The following MIPEP variants were observed in gnomAD, a reference collection of about 807,000 sequenced individuals.
MIPEP encodes mitochondrial intermediate peptidase.
A neutral mutation model predicts 90.3 loss-of-function variants in MIPEP; 79 were observed. The ratio of observed to expected loss-of-function variants is 0.87; its 90% confidence interval spans 0.73 to 1.05. The LOEUF is 1.05. MIPEP is among the 50% of genes least tolerant of loss of function. The pLI, the probability that MIPEP is intolerant of heterozygous loss-of-function variation, is 0.00. For missense variants in MIPEP, 940 were observed against 905.6 expected (o/e 1.04, Z -0.49); for synonymous variants, 334 against 315.8 (o/e 1.06, Z -0.61).
intron 16 of MIPEP, chr13:23,765,805 A>C (rs996497482): frequency 6.6e-6 from 1 of 152,256 alleles, no homozygotes; most frequent in African/African-American, 2.4e-5. Flanking sequence ...TGCAGAGTCC[A>C]GGAATAATAT....
At chr13:23,793,325 C>T (rs1311198092) in intron 16 of MIPEP, among the ~76,000 whole-genome samples, 2 of 152,152 alleles carry the variant, frequency 1.3e-5, no homozygotes, top group Non-Finnish European at 2.9e-5. Flanking sequence ...TCATTAGACA[C>T]AAAAGAGGAT....
Position 23,836,230 on chromosome 13 carries a change from C to T in MIPEP, c.1653+10G>A. Reference sequence around the variant, plus strand: ...CCCAAAGGACAAGACGACAATATTACTGTTCCTACCTGTCCAGTCTGATAA... The same window carrying T: ...CCCAAAGGACAAGACGACAATATTATTGTTCCTACCTGTCCAGTCTGATAA... On this transcript the variant is annotated intron_variant, in intron 14 of 18. Coordinates refer to ENST00000382172, the MANE Select transcript of MIPEP (RefSeq NM_005932.4). The T allele has an allele frequency of 1.3e-6, 2 of 1,519,810 alleles. No individual in the cohort carries two copies. The highest frequency in any genetic ancestry group is 1.8e-6 in the Non-Finnish European group (2 of 1,123,658). The allele number at this position is 1,519,810 out of a possible 1,614,324, so 94.1% of individuals were successfully genotyped here. A position where few individuals can be genotyped will look rare whatever the true frequency, so the allele number is the denominator to read the frequency against.
intron 8 of MIPEP, 116 bp downstream of exon 8, chr13:23,864,025 C>A: frequency 1.6e-6 from 1 of 607,048 alleles, no homozygotes; most frequent in Non-Finnish European, 2.9e-6. Context: ...CAGGTCTGGT[C>A]CAATATGCCA....
At chr13:23,852,791 T>C (rs930537197) in intron 10 of MIPEP, among the ~76,000 whole-genome samples, 1 of 152,226 alleles carries the variant, frequency 6.6e-6, no homozygotes, top group Non-Finnish European at 1.5e-5. Flanking sequence ...AAGGCATTGT[T>C]ATCACAGGGG....
Position 23,781,640 on chromosome 13 carries a change from A to G in MIPEP, c.1849-21423T>C, listed in dbSNP as rs547657994. ...AAATGTAAATGGGCTAAATGCTCCA[A>G]TTAAAAGACACAGACTGGCAAATTG... On this transcript the variant is annotated intron_variant, in intron 16 of 18. Transcript: ENST00000382172. 6.8e-3 allele frequency among the ~76,000 whole-genome samples: 1,012 copies of G among 148,820 alleles called. 8 individuals carry two copies. Among genetic ancestry groups the G allele is most frequent in the Non-Finnish European group, 0.01 (683 of 66,310 alleles).
intron 14 of MIPEP, among the ~76,000 whole-genome samples, chr13:23,830,243 T>C (rs1448734673): frequency 6.6e-6 from 1 of 152,190 alleles, no homozygotes; most frequent in Non-Finnish European, 1.5e-5. Flanking sequence ...GCAATTGAAA[T>C]AAATACACTG....
rs1953104279 is a variant in MIPEP, at chr13:23,806,127, G to C, written c.1729-58C>G. 6.3e-6 allele frequency: 10 copies of C among 1,581,778 alleles called. No homozygotes were observed. The Admixed American group carries it at 1.7e-4, about 27-fold the overall frequency. On this transcript the variant is annotated intron_variant, in intron 15 of 18. Transcript: ENST00000382172. ...TCGTCCATCCTCACATCAAGATGTG[G>C]TTGACCAAAGATGCTATAAGTGCAC...
chr13:23,790,741 C>A (rs956327976), intron 16 of MIPEP, among the ~76,000 whole-genome samples: 1 of 152,192 alleles, frequency 6.6e-6, no homozygotes, highest in African/African-American at 2.4e-5. Flanking sequence ...TTCATTCAGC[C>A]CATTAACACT....
chr13:23,881,256 T>G (rs965661434), intron 3 of MIPEP, among the ~76,000 whole-genome samples: 3 of 152,184 alleles, frequency 2.0e-5, no homozygotes, highest in African/African-American at 4.8e-5. Flanking sequence ...CCCACAGCCA[T>G]TGATGCAACA....
chr13:23,865,793 C>T lies in MIPEP; in HGVS notation c.944-1604G>A, dbSNP rs113409872. ...TCAATCGATTCTCCTGTCTCAGCTT[C>T]CTGAGTAGCTGGGATTACAGGCACC... On this transcript the variant is annotated intron_variant, in intron 7 of 18. Coordinates refer to ENST00000382172, the MANE Select transcript of MIPEP (RefSeq NM_005932.4). 1.8e-3 allele frequency among the ~76,000 whole-genome samples: 271 copies of T among 151,938 alleles called. 1 individual carries two copies. The highest frequency in any genetic ancestry group is 6.3e-3 in the African/African-American group (263 of 41,424).
At chr13:23,808,321 G>A (rs530279679) in intron 15 of MIPEP, among the ~76,000 whole-genome samples, 3 of 152,088 alleles carry the variant, frequency 2.0e-5, no homozygotes, top group South Asian at 4.2e-4. Context: ...GGATGGTCTC[G>A]ATCTCCTGAT....
At chr13:23,770,439 G>A (rs1209942243) in intron 16 of MIPEP, among the ~76,000 whole-genome samples, 1 of 152,170 alleles carries the variant, frequency 6.6e-6, no homozygotes, top group Non-Finnish European at 1.5e-5. Context: ...GAGGGGGTCA[G>A]GATGCTGTCT....
chr13:23,787,656 G>C (rs1184556385), intron 16 of MIPEP, among the ~76,000 whole-genome samples: 1 of 152,128 alleles, frequency 6.6e-6, no homozygotes, highest in Admixed American at 6.5e-5. Context: ...CACTTCCAGG[G>C]AGTGCTCTGC....
At chr13:23,875,607 C>T (rs1376963065) in intron 4 of MIPEP, among the ~76,000 whole-genome samples, 1 of 150,618 alleles carries the variant, frequency 6.6e-6, no homozygotes, top group Non-Finnish European at 1.5e-5. Context: ...ATTTGATCTA[C>T]TCTTTTGGCT....
At chr13:23,810,582 T>C (rs992372140) in intron 14 of MIPEP, among the ~76,000 whole-genome samples, 6 of 152,232 alleles carry the variant, frequency 3.9e-5, no homozygotes, top group Non-Finnish European at 1.5e-5. Flanking sequence ...TCAATCTTAC[T>C]CTACTTTAAA....
chr13:23,886,635 T>C (rs1871494825), intron 1 of MIPEP, 129 bp from the exon 2 acceptor site: 1 of 593,610 alleles, frequency 1.7e-6, no homozygotes, highest in African/African-American at 1.9e-5. Flanking sequence ...ATACCTGTGA[T>C]CACAGATACC....
chr13:23,886,479 C>T lies in MIPEP; in HGVS notation c.217G>A (p.Ala73Thr). 6.3e-7 allele frequency: 1 copy of T among 1,599,272 alleles called. No individual in the cohort carries two copies. The highest frequency in any genetic ancestry group is 8.5e-7 in the Non-Finnish European group (1 of 1,172,290). Residue 73 changes from alanine to threonine, a missense_variant, in exon 2 of 19, where the codon GCC becomes ACC. Ala to Thr is a moderately conservative substitution (Grantham distance 58, BLOSUM62 0). Coordinates refer to ENST00000382172, the MANE Select transcript of MIPEP (RefSeq NM_005932.4). ...TGTGCAATATGAAATCCTTCTGGGG[C>T]ACTCAGCTCAGGAACTCCAAAAAGA... ...RGLFGVPELS[A>T]PEGFHIAQEK... is the part of the protein sequence containing the mutation.
chr13:23,782,031 C>T (rs1158147826), intron 16 of MIPEP, among the ~76,000 whole-genome samples: 2 of 152,130 alleles, frequency 1.3e-5, no homozygotes, highest in Admixed American at 6.5e-5. Flanking sequence ...CCACTGTCAA[C>T]ATTAGACAGA....
At chr13:23,787,869 G>A (rs1266287237) in intron 16 of MIPEP, among the ~76,000 whole-genome samples, 1 of 152,168 alleles carries the variant, frequency 6.6e-6, no homozygotes, top group Non-Finnish European at 1.5e-5. Flanking sequence ...TCTACTCTGA[G>A]CCCAAGTTAA....
Sources: gnomAD v4.1 joint callset for allele counts (sites outside exome capture counted in the v4.1 genomes callset) on GRCh38, gnomAD v4.1.1 for gene constraint, MANE v1.5 for transcripts, NCBI Gene and HGNC (gene_info 2026-07-23, HGNC 2026-07-21) for gene names.